Variants in GPC5 observed in about 807,000 individuals in gnomAD.
GPC5 encodes glypican 5.
Under a neutral mutation model 53.9 loss-of-function variants are expected in GPC5, and 47 were observed. The ratio of observed to expected loss-of-function variants is 0.87; its 90% CI spans 0.69 to 1.11. The LOEUF (loss-of-function observed/expected upper bound fraction) is 1.11. GPC5 is among the 50% of genes most tolerant of loss of function. The pLI is 0.00. For synonymous variants in GPC5, 286 were observed against 263.3 expected (o/e 1.09, Z -0.84); for missense variants, 748 against 713.1 (o/e 1.05, Z -0.56).
intron 7 of GPC5, among the ~76,000 whole-genome samples, chr13:92,321,632 CATACATACAT>C (rs2043216673): frequency 6.6e-6 from 1 of 151,860 alleles, no homozygotes; most frequent in African/African-American, 2.4e-5. Context: ...TACATACATA[CATACATACAT>C]ACATACAATA....
In GPC5 at chr13:92,477,050, AAAATAAATAAAT is replaced by A. The variant is rs139711160; in HGVS notation, c.1561+332081_1561+332092del. On this transcript the variant is annotated intron_variant, in intron 7 of 7. Transcript: ENST00000377067. ...CCTAAAACTTAAAGTATAATAATAAAAAATAAATAAATAAATAAATAAATAAATAAAAAGAAA... is the reference window on the plus strand; with the variant it reads ...CCTAAAACTTAAAGTATAATAATAAAAAATAAATAAATAAATAAAAAGAAA... Among the ~76,000 whole-genome samples, 216 of 149,582 alleles carry A rather than the reference AAAATAAATAAAT, an allele frequency of 1.4e-3. 1 individual carries two copies. The highest frequency in any genetic ancestry group is 0.01 in the South Asian group (50 of 4,774).
intron 2 of GPC5, among the ~76,000 whole-genome samples, chr13:91,480,078 A>G (rs568113545): frequency 6.6e-6 from 1 of 152,312 alleles, no homozygotes; most frequent in Non-Finnish European, 1.5e-5. Flanking sequence ...TGTTGGGTGT[A>G]TTTATATCAG....
Position 92,171,132 on chromosome 13 carries a change from C to G in GPC5, c.1561+26143C>G, listed in dbSNP as rs1170479787. On this transcript the variant is annotated intron_variant, in intron 7 of 7. Transcript: ENST00000377067. ...TTCCACAAGATATTCATATCTGCCT[C>G]CATTCCTGCTCACCCCCTTCCTCTT... is the stretch of plus-strand genomic sequence containing the variant. 3.3e-5 allele frequency among the ~76,000 whole-genome samples: 5 copies of G among 152,226 alleles called. No individual in the cohort carries two copies. The East Asian group carries it at 7.8e-4, about 24-fold the overall frequency.
intron 2 of GPC5, among the ~76,000 whole-genome samples, chr13:91,549,704 G>A (rs1040010984): frequency 1.3e-5 from 2 of 152,072 alleles, no homozygotes; most frequent in Non-Finnish European, 2.9e-5. Flanking sequence ...TAAAACAGAA[G>A]TGAGATACTA....
intron 7 of GPC5, among the ~76,000 whole-genome samples, chr13:92,793,177 C>T (rs921771127): frequency 2.0e-5 from 3 of 152,094 alleles, no homozygotes; most frequent in African/African-American, 4.8e-5. Flanking sequence ...GAAATCACAA[C>T]AAACTGTCTC....
chr13:91,613,787 G>C (rs1471610358), intron 2 of GPC5, among the ~76,000 whole-genome samples: 1 of 152,144 alleles, frequency 6.6e-6, no homozygotes, highest in African/African-American at 2.4e-5. Flanking sequence ...GGAAAAATTT[G>C]AGCGCAAATT....
chr13:91,824,287 A>G (rs1297397130), intron 5 of GPC5, among the ~76,000 whole-genome samples: 2 of 152,060 alleles, frequency 1.3e-5, no homozygotes, highest in African/African-American at 4.8e-5. Flanking sequence ...TAATTGGACT[A>G]TGATGGCATG....
chr13:92,255,660 C>T (rs1175554730), intron 7 of GPC5, among the ~76,000 whole-genome samples: 1 of 152,022 alleles, frequency 6.6e-6, no homozygotes, highest in African/African-American at 2.4e-5. Flanking sequence ...CACTGCTAGT[C>T]TGGATTTCTT....
chr13:92,401,229 T>G (rs1232889043), intron 7 of GPC5, among the ~76,000 whole-genome samples: 1 of 151,964 alleles, frequency 6.6e-6, no homozygotes, highest in East Asian at 1.9e-4. Flanking sequence ...TATCTTGGTC[T>G]TCTCCATAAT....
chr13:92,595,085 A>ACCATCTCC (rs1883826707), intron 7 of GPC5, among the ~76,000 whole-genome samples: 1 of 152,156 alleles, frequency 6.6e-6, no homozygotes, highest in South Asian at 2.1e-4. Flanking sequence ...ACCTAGATTC[A>ACCATCTCC]AGAAGGCAGA....
intron 6 of GPC5, among the ~76,000 whole-genome samples, chr13:92,018,486 T>C (rs1192671589): frequency 6.6e-6 from 1 of 152,120 alleles, no homozygotes; most frequent in Admixed American, 6.6e-5. Context: ...ATTCAATATT[T>C]GTGTTTGAAT....
intron 1 of GPC5, among the ~76,000 whole-genome samples, chr13:91,399,462 G>A (rs1876758451): frequency 1.3e-5 from 2 of 152,192 alleles, no homozygotes; most frequent in Admixed American, 6.5e-5. Flanking sequence ...GGCTCCCTTC[G>A]TCTTGGAGGA....
At chr13:92,568,989 C>T (rs534650196) in intron 7 of GPC5, among the ~76,000 whole-genome samples, 3 of 151,674 alleles carry the variant, frequency 2.0e-5, no homozygotes, top group South Asian at 4.2e-4. Context: ...AGGTTAGTTA[C>T]ATATGTATAC....
intron 7 of GPC5, among the ~76,000 whole-genome samples, chr13:92,829,651 T>G (rs1877981867): frequency 6.6e-6 from 1 of 152,138 alleles, no homozygotes; most frequent in South Asian, 2.1e-4. Context: ...ACTAAATATC[T>G]TTGAGAAATT....
chr13:92,352,495 C>G (rs1324294224), intron 7 of GPC5, among the ~76,000 whole-genome samples: 2 of 152,060 alleles, frequency 1.3e-5, no homozygotes, highest in African/African-American at 2.4e-5. Flanking sequence ...ACATAAAGAA[C>G]TCTTAAAAAT....
At chr13:92,385,752 C>A in intron 7 of GPC5, among the ~76,000 whole-genome samples, 1 of 114,204 alleles carries the variant, frequency 8.8e-6, no homozygotes, top group East Asian at 2.7e-4. Context: ...TATATATACA[C>A]GTGTATATAT....
chr13:91,628,480 A>G (rs79665529), intron 2 of GPC5, among the ~76,000 whole-genome samples: 91 of 149,178 alleles, frequency 6.1e-4, no homozygotes, highest in African/African-American at 1.2e-3. Flanking sequence ...ATTTGTATCT[A>G]TCTGTCTGTC....
chr13:91,849,807 G>A (rs1345625208), intron 5 of GPC5, among the ~76,000 whole-genome samples: 5 of 152,078 alleles, frequency 3.3e-5, no homozygotes, highest in Non-Finnish European at 5.9e-5. Flanking sequence ...GAAAAGAGTG[G>A]TCATTTTTAT....
At chr13:92,168,788 C>A (rs940197768) in intron 7 of GPC5, among the ~76,000 whole-genome samples, 3 of 152,058 alleles carry the variant, frequency 2.0e-5, no homozygotes, top group Non-Finnish European at 4.4e-5. Flanking sequence ...TCCTCAGAGA[C>A]CTAGAGCCAG....
Sources: allele counts gnomAD v4.1 joint callset (sites outside exome capture counted in the v4.1 genomes callset), GRCh38; gene constraint gnomAD v4.1.1; transcripts MANE v1.5; gene names NCBI Gene and HGNC (gene_info 2026-07-23, HGNC 2026-07-21).